SOX5: variants seen among roughly 807,000 people sequenced by gnomAD.
SOX5 encodes the protein transcription factor SOX-5.
SOX5 carries 9 observed loss-of-function variants against 92.0 expected under a neutral mutation model. The ratio of observed to expected loss-of-function variants is 0.10; its 90% CI spans 0.06 to 0.17. The LOEUF (loss-of-function observed/expected upper bound fraction) is 0.17. Among genes scored for constraint, SOX5 ranks in the 10% least tolerant of loss-of-function variants. SOX5 has a pLI of 1.00. For synonymous variants in SOX5, 344 were observed against 336.3 expected, an observed-to-expected ratio of 1.02 and a Z score of -0.25; for missense variants, 642 against 944.5, an observed-to-expected ratio of 0.68 and a Z score of 4.20.
intron 13 of SOX5, among the ~76,000 whole-genome samples, chr12:23,537,946 T>G (rs77176211): frequency 8.0e-5 from 1 of 12,558 alleles, no homozygotes; most frequent in African/African-American, 1.8e-4. Flanking sequence ...GTAATAGCGT[T>G]TTTTTTTTTT....
In SOX5 at chr12:23,845,962, GTT is replaced by G. The variant is rs772933700; in HGVS notation, c.481+19_481+20del. ...AAAATCAGGACACAGCATCAACTTT[GTT>G]TTCTCTTCCAGCCTTTACCTTCCGG... On this transcript the variant is annotated intron_variant, in intron 3 of 14. Transcript: ENST00000451604. 23 of 1,591,296 alleles carry G rather than the reference GTT, an allele frequency of 1.4e-5. No homozygotes were observed. The African/African-American group carries it at 2.3e-4, about 16-fold the overall frequency.
chr12:24,205,856 G>C (rs1211630796), intron 4 of SOX5, among the ~76,000 whole-genome samples: 1 of 152,132 alleles, frequency 6.6e-6, no homozygotes, highest in Non-Finnish European at 1.5e-5. Flanking sequence ...TATTAAAAGA[G>C]CTTTTAAAAG....
At chr12:24,470,154 AC>A (rs1944650615) in intron 1 of SOX5, among the ~76,000 whole-genome samples, 1 of 152,182 alleles carries the variant, frequency 6.6e-6, no homozygotes, top group Non-Finnish European at 1.5e-5. Context: ...TAGAAAACCA[AC>A]CCTGAGTGCC....
chr12:23,687,830 G>A (rs906980198), intron 6 of SOX5, among the ~76,000 whole-genome samples: 1 of 151,522 alleles, frequency 6.6e-6, no homozygotes, highest in East Asian at 1.9e-4. Context: ...GAAGCACTGG[G>A]GACTATTTTC....
intron 6 of SOX5, among the ~76,000 whole-genome samples, chr12:23,671,179 G>A (rs1199326513): frequency 6.6e-6 from 1 of 152,166 alleles, no homozygotes; most frequent in Non-Finnish European, 1.5e-5. Flanking sequence ...ATCTCAAACA[G>A]CACAAACTTA....
intron 6 of SOX5, among the ~76,000 whole-genome samples, chr12:23,693,742 T>A (rs1472874796): frequency 1.3e-5 from 2 of 152,224 alleles, no homozygotes; most frequent in Non-Finnish European, 2.9e-5. Context: ...CAAGGACATG[T>A]TACTTCTGTT....
intron 1 of SOX5, among the ~76,000 whole-genome samples, chr12:24,553,500 G>A (rs1953424638): frequency 6.6e-6 from 1 of 152,192 alleles, no homozygotes; most frequent in South Asian, 2.1e-4. Context: ...TGCTCACTCA[G>A]CAATCATGTA....
chr12:23,907,905 TA>T (rs1253775948), intron 1 of SOX5, among the ~76,000 whole-genome samples: 2 of 152,158 alleles, frequency 1.3e-5, no homozygotes, highest in Non-Finnish European at 2.9e-5. Context: ...AAATAGGGAA[TA>T]AAATTTTAGA....
intron 1 of SOX5, among the ~76,000 whole-genome samples, chr12:23,897,877 T>C (rs1437783243): frequency 6.6e-6 from 1 of 152,156 alleles, no homozygotes; most frequent in Admixed American, 6.5e-5. Context: ...AAAGGAGAAG[T>C]AGATTTGGAT....
intron 1 of SOX5, among the ~76,000 whole-genome samples, chr12:24,424,267 T>C (rs1966371691): frequency 6.6e-6 from 1 of 152,208 alleles, no homozygotes; most frequent in African/African-American, 2.4e-5. Flanking sequence ...TACCTTCATT[T>C]GCATAGTAAT....
intron 3 of SOX5, among the ~76,000 whole-genome samples, chr12:23,818,377 T>A (rs1384006919): frequency 1.3e-5 from 2 of 152,160 alleles, no homozygotes; most frequent in East Asian, 3.9e-4. Flanking sequence ...CAAACATATC[T>A]AAATACAGAA....
At chr12:23,808,066 C>T (rs1474981376) in intron 3 of SOX5, among the ~76,000 whole-genome samples, 1 of 151,934 alleles carries the variant, frequency 6.6e-6, no homozygotes, top group Non-Finnish European at 1.5e-5. Context: ...AGAATATGTG[C>T]AGAATATATG....
intron 1 of SOX5, among the ~76,000 whole-genome samples, chr12:24,422,646 T>C (rs1389310352): frequency 6.6e-6 from 1 of 152,250 alleles, no homozygotes; most frequent in Non-Finnish European, 1.5e-5. Flanking sequence ...AGAGATCTAA[T>C]GAAAGTTACC....
In SOX5 at chr12:23,882,833, T is replaced by C. The variant is rs78005892; in HGVS notation, c.270+12960A>G. ...GGCTTTGGAGACATTCATGAATTCA[T>C]CCATTAAACTACCTTGAAATACTTG... On this transcript the variant is annotated intron_variant, in intron 2 of 14. Transcript: ENST00000451604. 5.2e-3 allele frequency among the ~76,000 whole-genome samples: 786 copies of C among 152,246 alleles called. 4 individuals are homozygous for C. Among genetic ancestry groups the C allele is most frequent in the Non-Finnish European group, 8.3e-3 (567 of 68,016 alleles).
chr12:23,979,707 G>GTTTT (rs1177945407), intron 4 of SOX5, among the ~76,000 whole-genome samples: 4 of 77,470 alleles, frequency 5.2e-5, no homozygotes, highest in South Asian at 4.4e-4. Flanking sequence ...TGTTTTTTTT[G>GTTTT]TTTTTTTTTT....
chr12:23,940,027 C>G (rs1166188586), intron 1 of SOX5, among the ~76,000 whole-genome samples: 3 of 151,114 alleles, frequency 2.0e-5, no homozygotes, highest in African/African-American at 7.3e-5. Context: ...TACTCATGCT[C>G]TCCTGCGGAT....
intron 3 of SOX5, among the ~76,000 whole-genome samples, chr12:23,829,231 G>A (rs1472655463): frequency 6.6e-6 from 1 of 152,080 alleles, no homozygotes; most frequent in Admixed American, 6.6e-5. Flanking sequence ...AGGCCTAGGA[G>A]GTCTGATTAA....
intron 8 of SOX5, among the ~76,000 whole-genome samples, chr12:23,635,573 A>G (rs1220574230): frequency 6.6e-6 from 1 of 152,100 alleles, no homozygotes; most frequent in African/African-American, 2.4e-5. Flanking sequence ...ACCTAATGTA[A>G]ATGACAAGTT....
rs554801945 is a variant in SOX5 at position 23,543,526 on chromosome 12, G to A, written c.1598-142C>T. On this transcript the variant is annotated intron_variant, in intron 12 of 14. Transcript: ENST00000451604. ...GGTACTTCCAGTTCTTAAGACAGAT[G>A]CTTGTTTATGAAGTTTTTCTGATAA... The A allele has an allele frequency of 1.6e-5, 9 of 559,654 alleles. No homozygotes were observed. In the African/African-American group the frequency reaches 1.7e-4, roughly 10 times the overall value. The allele number at this position is 559,654 out of a possible 1,614,324, so 34.7% of individuals were successfully genotyped here. A position where few individuals can be genotyped will look rare whatever the true frequency, so the allele number is the denominator to read the frequency against.
Sources: allele counts gnomAD v4.1 joint callset (sites outside exome capture counted in the v4.1 genomes callset), GRCh38; gene constraint gnomAD v4.1.1; transcripts MANE v1.5; gene names NCBI Gene and HGNC (gene_info 2026-07-23, HGNC 2026-07-21).